Variants in ANK3 observed in about 807,000 individuals in gnomAD.
ANK3 encodes the protein ankyrin 3.
In ANK3, 57 loss-of-function variants were observed where a neutral mutation model predicts 370.9. The ratio of observed to expected loss-of-function variants is 0.15; its 90% CI spans 0.12 to 0.19. ANK3 has a LOEUF of 0.19. ANK3 is among the 10% of genes least tolerant of loss of function. The probability of loss-of-function intolerance (pLI) is 1.00; values close to 1 mark genes in which losing one functional copy is unlikely to be tolerated. For missense variants in ANK3, 4,439 were observed against 5,302.1 expected (o/e 0.84, Z 5.06); for synonymous variants, 1,929 against 1,946.3 (o/e 0.99, Z 0.23).
chr10:60,338,209 A>AG (rs1264859921), intron 1 of ANK3, among the ~76,000 whole-genome samples: 1 of 152,190 alleles, frequency 6.6e-6, no homozygotes, highest in African/African-American at 2.4e-5. Context: ...ACTAGTATAA[A>AG]GATTGGGCAA....
rs150404738 is a variant in ANK3, at chr10:60,450,337, C to T, written c.96+164849G>A. On this transcript the variant is annotated intron_variant, in intron 2 of 43. Transcript: ENST00000373827. Reference sequence around the variant, plus strand: ...GAGAGAATGAACAAGCTCTGATTTGCGGTGTTTGCCACTTTCCATGATGTA... The same window carrying T: ...GAGAGAATGAACAAGCTCTGATTTGTGGTGTTTGCCACTTTCCATGATGTA... 1.1e-4 allele frequency among the ~76,000 whole-genome samples: 17 copies of T among 152,176 alleles called. No individual in the cohort carries two copies. The East Asian group carries it at 2.3e-3, about 21-fold the overall frequency.
rs1183884348 is a variant in ANK3 at position 60,270,163 on chromosome 10, C to T, written c.481G>A (p.Asp161Asn). 6.3e-7 allele frequency: 1 copy of T among 1,598,684 alleles called. No homozygotes were observed. Among genetic ancestry groups the T allele is most frequent in the East Asian group, 2.3e-5 (1 of 44,086 alleles). The change falls in exon 5 of 44, where the codon GAC (aspartate) becomes AAC (asparagine). Residue 161 changes from aspartate to asparagine, a missense_variant. This residue lies in a region of ANK3 where 136 missense variants were observed against 230.5 expected (regional missense o/e 0.59). Coordinates refer to ENST00000280772, the MANE Select transcript of ANK3 (RefSeq NM_020987.5). The stretch of plus-strand genomic sequence containing the variant: ...GCTAGGCTCTGGCTTGCACCATTGT[C>T]AAGAAGAAACTTGACAACTTCCAGG... ...NHLEVVKFLL[D>N]NGASQSLATE... is the part of the protein sequence containing the mutation.
intron 2 of ANK3, among the ~76,000 whole-genome samples, chr10:60,436,059 G>A (rs1044414554): frequency 2.1e-4 from 32 of 149,984 alleles, no homozygotes; most frequent in African/African-American, 7.6e-4. Flanking sequence ...CAGCACTCCC[G>A]CCTGGGCGAC....
chr10:60,069,062 T>G lies in ANK3; in HGVS notation c.11819A>C (p.Lys3940Thr). ...GGATGGAAGCTGTTTGGCCTTGCCT[T>G]TCTCTGGCTGCCCTTGCTTTTGTGT... ...CATQKQGQPE[K>T]GKAKQLPSKL... Residue 3940 changes from lysine to threonine, a missense_variant, in exon 37 of 44, where the codon AAA becomes ACA. Physicochemically the swap from Lys to Thr is moderately conservative, Grantham distance 78. This residue lies in a region of ANK3 where 496 missense variants were observed against 529.3 expected (regional missense o/e 0.94). Transcript: ENST00000280772. 1 of 1,614,110 alleles carries G rather than the reference T, an allele frequency of 6.2e-7. No individual in the cohort carries two copies. Among genetic ancestry groups the G allele is most frequent in the Admixed American group, 1.7e-5 (1 of 60,012 alleles).
intron 1 of ANK3, among the ~76,000 whole-genome samples, chr10:60,695,448 AT>A (rs1020373020): frequency 6.6e-6 from 1 of 152,090 alleles, no homozygotes; most frequent in African/African-American, 2.4e-5. Flanking sequence ...CAGAATATAC[AT>A]TTTTTTCAGC....
intron 1 of ANK3, among the ~76,000 whole-genome samples, chr10:60,352,114 G>C (rs1308937060): frequency 6.6e-6 from 1 of 152,106 alleles, no homozygotes; most frequent in African/African-American, 2.4e-5. Context: ...TGGCAAACAT[G>C]GTGAAACCGT....
intron 30 of ANK3, 46 bp downstream of exon 30, chr10:60,086,631 C>T (rs2132022188): frequency 2.0e-6 from 3 of 1,493,458 alleles, no homozygotes; most frequent in East Asian, 2.3e-5. Flanking sequence ...TCTTTGTACA[C>T]AATCTTTGTG....
At chr10:60,244,059 G>T (rs1347235660) in intron 7 of ANK3, among the ~76,000 whole-genome samples, 1 of 152,192 alleles carries the variant, frequency 6.6e-6, no homozygotes, top group Non-Finnish European at 1.5e-5. Flanking sequence ...AAAAACAACT[G>T]CCTCTGCTGG....
In ANK3 at chr10:60,139,067, C is replaced by T; in HGVS notation, c.2635G>A (p.Asp879Asn). Residue 879 changes from aspartate to asparagine, a missense_variant, in exon 24 of 44, where the codon GAC (aspartate) becomes AAC (asparagine). Transcript: ENST00000280772. ...TGTGGCCCAAGATATTTGTCTGTGT[C>T]CCCGGTCATTGCATCTTCACCTGCA... ...VEEGEDAMTGDTDKYLGPQDL... is the reference protein window; with the variant it reads ...VEEGEDAMTGNTDKYLGPQDL... 6.2e-7 allele frequency: 1 copy of T among 1,613,580 alleles called. No homozygotes were observed. The highest frequency in any genetic ancestry group is 8.5e-7 in the Non-Finnish European group (1 of 1,179,738).
At chr10:60,596,868 G>A (rs1473145816) in intron 2 of ANK3, among the ~76,000 whole-genome samples, 1 of 152,044 alleles carries the variant, frequency 6.6e-6, no homozygotes, top group Non-Finnish European at 1.5e-5. Context: ...GAAATCACCT[G>A]TTCCCTTACA....
At chr10:60,085,124 C>T (rs1379016883) in intron 31 of ANK3, 33 bp downstream of exon 31, 2 of 1,552,594 alleles carry the variant, frequency 1.3e-6, no homozygotes, top group Middle Eastern at 1.7e-4. Context: ...AAACTAATTC[C>T]TTACTGCTTT....
intron 23 of ANK3, among the ~76,000 whole-genome samples, chr10:60,157,319 G>A (rs2095362143): frequency 6.7e-6 from 1 of 148,806 alleles, no homozygotes; most frequent in Non-Finnish European, 1.5e-5. Context: ...CTACAGGCGT[G>A]AGCCACTGTG....
At chr10:60,668,205 T>C (rs1196236604) in intron 1 of ANK3, among the ~76,000 whole-genome samples, 1 of 151,552 alleles carries the variant, frequency 6.6e-6, no homozygotes, top group East Asian at 1.9e-4. Context: ...CAGGATGGAC[T>C]AGCCATAGGA....
intron 10 of ANK3, among the ~76,000 whole-genome samples, 200 bp downstream of exon 10, chr10:60,207,836 G>T (rs549753759): frequency 9.8e-5 from 15 of 152,290 alleles, no homozygotes; most frequent in African/African-American, 3.6e-4. Flanking sequence ...AACATTAACA[G>T]TTTGGCTCCC....
chr10:60,694,985 G>C (rs2079422768), intron 1 of ANK3, among the ~76,000 whole-genome samples: 1 of 148,234 alleles, frequency 6.7e-6, no homozygotes, highest in Non-Finnish European at 1.5e-5. Flanking sequence ...CCATCAGTGT[G>C]CTGTATTCAG....
chr10:60,729,965 T>G (rs1226605259), intron 1 of ANK3, among the ~76,000 whole-genome samples: 1 of 152,170 alleles, frequency 6.6e-6, no homozygotes, highest in Admixed American at 6.5e-5. Context: ...AAAATCTATG[T>G]CCTTTTGAAT....
At chr10:60,339,244 C>T (rs978483803) in intron 1 of ANK3, among the ~76,000 whole-genome samples, 3 of 152,058 alleles carry the variant, frequency 2.0e-5, no homozygotes, top group Non-Finnish European at 2.9e-5. Flanking sequence ...TACTCAGAGG[C>T]CAATCATATT....
At chr10:60,433,778 C>A (rs1229747117) in intron 2 of ANK3, among the ~76,000 whole-genome samples, 1 of 152,180 alleles carries the variant, frequency 6.6e-6, no homozygotes, top group African/African-American at 2.4e-5. Flanking sequence ...TCGAGATAAC[C>A]ACCCAGAGTA....
intron 1 of ANK3, among the ~76,000 whole-genome samples, chr10:60,282,660 T>C (rs563958043): frequency 1.3e-5 from 2 of 152,262 alleles, no homozygotes; most frequent in African/African-American, 4.8e-5. Context: ...ATTATATCTA[T>C]TTCATTCAAT....
Sources: gnomAD v4.1 joint callset for allele counts (sites outside exome capture counted in the v4.1 genomes callset) on GRCh38, gnomAD v4.1.1 for gene constraint, gnomAD v4.1.1 regional missense constraint, MANE v1.5 for transcripts, NCBI Gene and HGNC (gene_info 2026-07-23, HGNC 2026-07-21) for gene names.